The following ACACA variants were observed in gnomAD, a reference collection of about 807,000 sequenced individuals.
ACACA encodes acetyl-CoA carboxylase 1.
In ACACA, 103 loss-of-function variants were observed where a neutral mutation model predicts 296.1. The observed-to-expected ratio is 0.35, with a 90% CI of 0.30 to 0.41. The LOEUF is 0.41. ACACA is among the 10% of genes least tolerant of loss of function. The pLI, the probability that ACACA is intolerant of heterozygous loss-of-function variation, is 1.00. For missense variants in ACACA, 1,554 were observed against 2,989.7 expected (o/e 0.52, Z 11.20); for synonymous variants, 953 against 1,038.6 (o/e 0.92, Z 1.58).
chr17:37,302,353 G>GCACC (rs2083663782), intron 3 of ACACA, among the ~76,000 whole-genome samples: 1 of 152,038 alleles, frequency 6.6e-6, no homozygotes, highest in Non-Finnish European at 1.5e-5. Context: ...GGGATTACAG[G>GCACC]TGACTGCCAC....
chr17:37,254,820 T>C (rs544073708), intron 14 of ACACA, among the ~76,000 whole-genome samples: 203 of 148,194 alleles, frequency 1.4e-3, no homozygotes, highest in African/African-American at 4.5e-3. Flanking sequence ...CCGTCTCTAC[T>C]ACAAATACAA....
chr17:37,216,159 A>ACACACACAC (rs1598205866), intron 29 of ACACA, among the ~76,000 whole-genome samples: 81 of 90,866 alleles, frequency 8.9e-4, no homozygotes, highest in African/African-American at 2.6e-3. Context: ...CACACACACA[A>ACACACACAC]CATACACATG....
chr17:37,239,826 G>A (rs1414848389), intron 24 of ACACA, among the ~76,000 whole-genome samples: 1 of 152,192 alleles, frequency 6.6e-6, no homozygotes, highest in Non-Finnish European at 1.5e-5. Flanking sequence ...TGCTTTTAAA[G>A]GAAGTGAAAA....
intron 5 of ACACA, among the ~76,000 whole-genome samples, chr17:37,280,189 T>C (rs978879001): frequency 9.9e-5 from 15 of 152,102 alleles, no homozygotes; most frequent in Non-Finnish European, 2.1e-4. Flanking sequence ...TAGTATTGTT[T>C]TGGTTTAGAT....
chr17:37,381,619 C>T (rs1378815167), intron 1 of ACACA, among the ~76,000 whole-genome samples: 2 of 150,020 alleles, frequency 1.3e-5, no homozygotes, highest in Non-Finnish European at 3.0e-5. Context: ...TATGTCTCTT[C>T]CATAGTCTTT....
rs187846435 is a variant in ACACA at position 37,195,560 on chromosome 17, C to T, written c.4159-2145G>A. Reference sequence around the variant, plus strand: ...ACTTCTGAGTAAATTTGTAACTCCCCGGTAAAATCCTCAATTTAAGTATTA... The same window carrying T: ...ACTTCTGAGTAAATTTGTAACTCCCTGGTAAAATCCTCAATTTAAGTATTA... On this transcript the variant is annotated intron_variant, in intron 35 of 55. Coordinates refer to ENST00000616317, the MANE Select transcript of ACACA (RefSeq NM_198834.3). Among the ~76,000 whole-genome samples the T allele has an allele frequency of 2.7e-4, 41 of 151,932 alleles. No individual in the cohort carries two copies. In the East Asian group the frequency reaches 7.1e-3, roughly 26 times the overall value.
At chr17:37,378,864 C>G in intron 1 of ACACA, among the ~76,000 whole-genome samples, 1 of 152,002 alleles carries the variant, frequency 6.6e-6, no homozygotes, top group East Asian at 1.9e-4. Flanking sequence ...GAGTTCGAGA[C>G]CAGCTTGGGC....
At chr17:37,367,827 A>T (rs1251681840) in intron 1 of ACACA, 2 of 152,156 alleles carry the variant, frequency 1.3e-5, no homozygotes, top group African/African-American at 4.8e-5. Context: ...CAACACTGTG[A>T]GAGGCCAAGG....
intron 11 of ACACA, among the ~76,000 whole-genome samples, chr17:37,263,306 G>A (rs560699414): frequency 6.6e-6 from 1 of 152,190 alleles, no homozygotes; most frequent in South Asian, 2.1e-4. Context: ...TTCCAAAAAC[G>A]ATAATAGAGT....
chr17:37,267,767 T>C (rs1032415533), intron 10 of ACACA, among the ~76,000 whole-genome samples: 21 of 149,060 alleles, frequency 1.4e-4, no homozygotes, highest in East Asian at 5.8e-4. Flanking sequence ...TCTTCTTCTT[T>C]TTTTTTTTTT....
chr17:37,176,516 T>C (rs1295748057), intron 41 of ACACA, among the ~76,000 whole-genome samples: 2 of 152,216 alleles, frequency 1.3e-5, no homozygotes, highest in Non-Finnish European at 2.9e-5. Flanking sequence ...ATGAGCTCTG[T>C]TCATTCCCTT....
At chr17:37,287,019 A>C (rs1196088812) in intron 3 of ACACA, among the ~76,000 whole-genome samples, 1 of 152,164 alleles carries the variant, frequency 6.6e-6, no homozygotes, top group Non-Finnish European at 1.5e-5. Context: ...CTCTGTTTAT[A>C]ACACCTACTA....
intron 14 of ACACA, 40 bp downstream of exon 14, chr17:37,257,663 A>T: frequency 6.2e-7 from 1 of 1,605,356 alleles, no homozygotes; most frequent in South Asian, 1.1e-5. Context: ...ATTAGCACAA[A>T]TTTATTTTGT....
chr17:37,102,879 T>C (rs1007957883), intron 52 of ACACA, among the ~76,000 whole-genome samples: 1 of 152,208 alleles, frequency 6.6e-6, no homozygotes, highest in African/African-American at 2.4e-5. Flanking sequence ...CTCCTGAGAC[T>C]AGGAAGATTG....
At chr17:37,281,664 G>A (rs981607412) in intron 5 of ACACA, among the ~76,000 whole-genome samples, 15 of 152,068 alleles carry the variant, frequency 9.9e-5, no homozygotes, top group African/African-American at 2.2e-4. Flanking sequence ...TCAAGATACC[G>A]AGACCATCCT....
chr17:37,386,060 CT>C, intron 1 of ACACA: 1 of 1,606,492 alleles, frequency 6.2e-7, no homozygotes, highest in South Asian at 1.1e-5. Flanking sequence ...TCATCAGAGA[CT>C]TTTCCCACCA....
chr17:37,375,268 C>T (rs1361697053), intron 1 of ACACA, among the ~76,000 whole-genome samples: 2 of 152,036 alleles, frequency 1.3e-5, no homozygotes, highest in Non-Finnish European at 2.9e-5. Flanking sequence ...AGGTGGATCA[C>T]GAGATCAGGA....
intron 3 of ACACA, among the ~76,000 whole-genome samples, chr17:37,313,794 G>A (rs2046956822): frequency 6.6e-6 from 1 of 152,084 alleles, no homozygotes; most frequent in Non-Finnish European, 1.5e-5. Flanking sequence ...GAACAGTATG[G>A]AGGTTCCTCA....
At chr17:37,192,376 TAA>T (rs1220915795) in intron 36 of ACACA, 71 bp from the exon 37 acceptor site, 2 of 1,359,950 alleles carry the variant, frequency 1.5e-6, no homozygotes, top group Non-Finnish European at 1.0e-6. Context: ...AATGTGAATG[TAA>T]AAGAGATGCC....
Sources: gnomAD v4.1 joint callset for allele counts (sites outside exome capture counted in the v4.1 genomes callset) on GRCh38, gnomAD v4.1.1 for gene constraint, MANE v1.5 for transcripts, NCBI Gene and HGNC (gene_info 2026-07-23, HGNC 2026-07-21) for gene names.